Variants in TEX26 observed in about 807,000 individuals in gnomAD.
TEX26 encodes the protein testis expressed 26, also known as testis-expressed protein 26.
TEX26 carries 34 observed loss-of-function variants against 35.3 expected under a neutral mutation model. The ratio of observed to expected loss-of-function variants is 0.96; its 90% CI spans 0.73 to 1.28. The LOEUF (loss-of-function observed/expected upper bound fraction) is 1.28, where lower values mean the gene tolerates loss of function less well. TEX26 is among the 50% of genes most tolerant of loss of function. TEX26 has a pLI of 0.00. For synonymous variants in TEX26, 136 were observed against 111.8 expected (o/e 1.22, Z -1.36); for missense variants, 371 against 330.1 (o/e 1.12, Z -0.96).
intron 6 of TEX26, among the ~76,000 whole-genome samples, chr13:30,970,527 T>A (rs1954678726): frequency 6.6e-6 from 1 of 152,300 alleles, no homozygotes; most frequent in African/African-American, 2.4e-5. Context: ...AGCCTGCCTG[T>A]TCTTGCTTTC....
chr13:30,950,432 A>G (rs1953877374), intron 2 of TEX26, among the ~76,000 whole-genome samples: 1 of 152,118 alleles, frequency 6.6e-6, no homozygotes. Context: ...AGCATGACCA[A>G]TCTGTGCTGC....
intron 2 of TEX26, among the ~76,000 whole-genome samples, chr13:30,948,466 T>C (rs1953798980): frequency 6.6e-6 from 1 of 152,238 alleles, no homozygotes; most frequent in African/African-American, 2.4e-5. Flanking sequence ...ATTGTGGTTT[T>C]GATTTGCATT....
At chr13:30,970,721 C>T (rs1459186248) in intron 6 of TEX26, among the ~76,000 whole-genome samples, 1 of 152,190 alleles carries the variant, frequency 6.6e-6, no homozygotes, top group Non-Finnish European at 1.5e-5. Flanking sequence ...ACCATGGTGT[C>T]TGCAGGCACC....
chr13:30,974,131 A>AATATATATATATATAT (rs1555271791), intron 6 of TEX26, among the ~76,000 whole-genome samples: 9 of 84,416 alleles, frequency 1.1e-4, no homozygotes, highest in African/African-American at 4.3e-4. Flanking sequence ...AAAAAAAAAA[A>AATATATATATATATAT]ATATATATAT....
chr13:30,935,623 G>A (rs191311468), intron 1 of TEX26, among the ~76,000 whole-genome samples: 7 of 152,196 alleles, frequency 4.6e-5, no homozygotes, highest in East Asian at 3.9e-4. Flanking sequence ...CAGGAGCTAC[G>A]CTCTCTGCTG....
At chr13:30,934,328 A>G (rs1046610181) in intron 1 of TEX26, among the ~76,000 whole-genome samples, 1 of 152,162 alleles carries the variant, frequency 6.6e-6, no homozygotes. Context: ...GGTAGGCTTG[A>G]TGTGTCCCCA....
rs1032365715 is a variant in TEX26 at position 30,964,627 on chromosome 13, G to A, written c.470-1595G>A. Among the ~76,000 whole-genome samples, 6 of 152,292 alleles carry A rather than the reference G, an allele frequency of 3.9e-5. No individual in the cohort carries two copies. In the South Asian group the frequency reaches 6.2e-4, roughly 16 times the overall value. ...CAAGTGTCTTAGTCTGTTTTGTACAGCTTTGACAAAATATGTGAGACTGGG... is the reference window on the plus strand; with the variant it reads ...CAAGTGTCTTAGTCTGTTTTGTACAACTTTGACAAAATATGTGAGACTGGG... On this transcript the variant is annotated intron_variant, in intron 4 of 6. Coordinates refer to ENST00000380473, the MANE Select transcript of TEX26 (RefSeq NM_152325.3).
chr13:30,939,876 G>C (rs1443029146), intron 2 of TEX26, 98 bp downstream of exon 2: 1 of 1,137,216 alleles, frequency 8.8e-7, no homozygotes, highest in Non-Finnish European at 1.3e-6. Context: ...AATTAGAGAA[G>C]CTTCGTAAAA....
chr13:30,941,931 TTTTATATC>T (rs909341607), intron 2 of TEX26, among the ~76,000 whole-genome samples: 1 of 152,108 alleles, frequency 6.6e-6, no homozygotes, highest in African/African-American at 2.4e-5. Flanking sequence ...CTTAGGTTGG[TTTTATATC>T]TTTAAAATTG....
chr13:30,939,861 A>G, intron 2 of TEX26, 83 bp downstream of exon 2: 1 of 1,255,790 alleles, frequency 8.0e-7, no homozygotes, highest in South Asian at 1.3e-5. Flanking sequence ...AAACACATAG[A>G]CAGTAATTAG....
intron 3 of TEX26, 65 bp downstream of exon 3, chr13:30,952,890 A>C (rs756459265): frequency 2.1e-6 from 3 of 1,398,844 alleles, no homozygotes; most frequent in Non-Finnish European, 2.9e-6. Flanking sequence ...CATAAGAATG[A>C]GAGTTTAAAT....
intron 1 of TEX26, 57 bp from the exon 2 acceptor site, chr13:30,939,637 C>A: frequency 1.4e-6 from 2 of 1,423,074 alleles, no homozygotes; most frequent in Non-Finnish European, 2.0e-6. Flanking sequence ...GTTAAAACAA[C>A]ATTTCTTCAA....
chr13:30,940,628 C>T (rs556057657), intron 2 of TEX26, among the ~76,000 whole-genome samples: 6 of 152,126 alleles, frequency 3.9e-5, no homozygotes, highest in East Asian at 1.9e-4. Context: ...CCACCACATC[C>T]GGCTGCCCCA....
chr13:30,956,841 G>A, intron 3 of TEX26, 32 bp from the exon 4 acceptor site: 1 of 1,601,520 alleles, frequency 6.2e-7, no homozygotes, highest in Non-Finnish European at 8.6e-7. Context: ...AACCCATATG[G>A]ATTTTCTTGA....
At chr13:30,960,233 A>T (rs1366302082) in intron 4 of TEX26, among the ~76,000 whole-genome samples, 4 of 151,802 alleles carry the variant, frequency 2.6e-5, no homozygotes, top group African/African-American at 9.7e-5. Flanking sequence ...AAACTTCTAT[A>T]CCTTTTTTGT....
Position 30,975,157 on chromosome 13 carries a change from T to G in TEX26, c.*250T>G. On this transcript the variant is annotated 3_prime_UTR_variant, in exon 7 of 7. Coordinates refer to ENST00000380473, the MANE Select transcript of TEX26 (RefSeq NM_152325.3). ...ATACAATGTTTTTTTCTTTTCCCTTTTGGATACTTAATTTGTAGTTTCAAT... is the reference window on the plus strand; with the variant it reads ...ATACAATGTTTTTTTCTTTTCCCTTGTGGATACTTAATTTGTAGTTTCAAT... 3.8e-6 allele frequency: 1 copy of G among 266,458 alleles called. No homozygotes were observed. Among genetic ancestry groups the G allele is most frequent in the East Asian group, 6.9e-5 (1 of 14,568 alleles). 16.5% of individuals were successfully genotyped at this position (266,458 alleles called of 1,614,324 possible).
At chr13:30,947,755 A>T (rs1162365828) in intron 2 of TEX26, among the ~76,000 whole-genome samples, 2 of 152,174 alleles carry the variant, frequency 1.3e-5, no homozygotes, top group Admixed American at 6.5e-5. Flanking sequence ...TTTTATTATT[A>T]TACTTTAAGT....
intron 2 of TEX26, among the ~76,000 whole-genome samples, chr13:30,943,566 C>G: frequency 6.6e-6 from 1 of 152,044 alleles, no homozygotes; most frequent in Non-Finnish European, 1.5e-5. Flanking sequence ...ATGCTTTCAA[C>G]TTTTCCCCAT....
chr13:30,966,845 A>G (rs1356477587), intron 5 of TEX26, among the ~76,000 whole-genome samples: 1 of 152,218 alleles, frequency 6.6e-6, no homozygotes, highest in Non-Finnish European at 1.5e-5. Flanking sequence ...AGTCATGGAG[A>G]AAGCCAGAGA....
Sources: gnomAD v4.1 joint callset for allele counts (sites outside exome capture counted in the v4.1 genomes callset) on GRCh38, gnomAD v4.1.1 for gene constraint, MANE v1.5 for transcripts, NCBI Gene and HGNC (gene_info 2026-07-23, HGNC 2026-07-21) for gene names.